The following IGSF21 variants were observed in gnomAD, a reference collection of about 807,000 sequenced individuals.
IGSF21 encodes the protein immunoglobulin superfamily member 21.
Under a neutral mutation model 46.8 loss-of-function variants are expected in IGSF21, and 28 were observed. The ratio of observed to expected loss-of-function variants is 0.60; its 90% CI spans 0.44 to 0.82. The LOEUF (loss-of-function observed/expected upper bound fraction) is 0.82, where lower values mean the gene tolerates loss of function less well. IGSF21 is among the 40% of genes least tolerant of loss of function. IGSF21 has a pLI of 0.00. For missense variants in IGSF21, 624 were observed against 665.5 expected, an observed-to-expected ratio of 0.94 and a Z score of 0.69; for synonymous variants, 284 against 273.6, an observed-to-expected ratio of 1.04 and a Z score of -0.38.
intron 1 of IGSF21, among the ~76,000 whole-genome samples, chr1:18,184,754 T>C (rs2086887980): frequency 6.6e-6 from 1 of 152,178 alleles, no homozygotes; most frequent in Admixed American, 6.5e-5. Flanking sequence ...CCAGCTCCTC[T>C]TGTGACCCAC....
At position 18,376,406 on chromosome 1, in the gene IGSF21, C is replaced by T. The variant is rs201285305; in HGVS notation, c.1101+11C>T. 2.1e-4 allele frequency: 338 copies of T among 1,599,938 alleles called. 2 individuals carry two copies. The highest frequency in any genetic ancestry group is 8.9e-5 in the East Asian group (4 of 44,796). ...GTCCATGGGTTTCAGGTCAGCCTCT[C>T]TCTGAGCATCTGGGAGGGTGGTGGG... On this transcript the variant is annotated intron_variant, in intron 7 of 9. Transcript: ENST00000251296.
At chr1:18,267,140 C>T (rs564018768) in intron 2 of IGSF21, among the ~76,000 whole-genome samples, 1 of 152,270 alleles carries the variant, frequency 6.6e-6, no homozygotes, top group South Asian at 2.1e-4. Flanking sequence ...ATTGACCTCA[C>T]TCTAATGGGA....
intron 1 of IGSF21, among the ~76,000 whole-genome samples, chr1:18,187,612 A>G (rs1413879736): frequency 6.6e-6 from 1 of 152,210 alleles, no homozygotes; most frequent in Non-Finnish European, 1.5e-5. Context: ...CCCTCCCACA[A>G]CACATAGGAA....
chr1:18,274,148 T>C (rs1326752911), intron 2 of IGSF21, among the ~76,000 whole-genome samples: 1 of 152,206 alleles, frequency 6.6e-6, no homozygotes, highest in Non-Finnish European at 1.5e-5. Context: ...AGATACACGG[T>C]GTTGGGCAAA....
At chr1:18,219,282 A>G (rs910997760) in intron 1 of IGSF21, among the ~76,000 whole-genome samples, 2 of 152,232 alleles carry the variant, frequency 1.3e-5, no homozygotes, top group Non-Finnish European at 2.9e-5. Flanking sequence ...GGATTGAGCC[A>G]TGTGGGTATC....
intron 3 of IGSF21, among the ~76,000 whole-genome samples, chr1:18,333,369 T>A (rs1290557822): frequency 1.3e-5 from 2 of 152,172 alleles, no homozygotes; most frequent in Admixed American, 1.3e-4. Context: ...CAAGGCTCCT[T>A]CCCATCCAAG....
At chr1:18,115,849 GAAAGAAAGAAAGAAAGA>G (rs2086183808) in intron 1 of IGSF21, 5 of 80,060 alleles carry the variant, frequency 6.2e-5, no homozygotes, top group African/African-American at 1.9e-4. Flanking sequence ...AAGGAAGAAA[GAAAGAAAGAAAGAAAGA>G]AAGAAAGAAA....
At chr1:18,179,789 C>T (rs1366764670) in intron 1 of IGSF21, among the ~76,000 whole-genome samples, 2 of 152,076 alleles carry the variant, frequency 1.3e-5, no homozygotes, top group African/African-American at 4.8e-5. Context: ...AGGTCCAGAT[C>T]ACAGATTGAA....
intron 2 of IGSF21, among the ~76,000 whole-genome samples, chr1:18,249,511 G>A (rs888409256): frequency 6.6e-6 from 1 of 152,144 alleles, no homozygotes; most frequent in African/African-American, 2.4e-5. Context: ...AGCTGTACGT[G>A]CAAAAGCAGT....
chr1:18,366,717 G>A (rs892616688), intron 6 of IGSF21, among the ~76,000 whole-genome samples: 1 of 152,124 alleles, frequency 6.6e-6, no homozygotes, highest in Admixed American at 6.5e-5. Flanking sequence ...TGGGTATGTG[G>A]GAGGCAGGCA....
intron 2 of IGSF21, among the ~76,000 whole-genome samples, chr1:18,235,609 C>T (rs1044925939): frequency 6.6e-6 from 1 of 152,136 alleles, no homozygotes; most frequent in Admixed American, 6.5e-5. Context: ...GTTCAAATAA[C>T]AGAAAGTGCA....
intron 1 of IGSF21, among the ~76,000 whole-genome samples, chr1:18,117,921 T>TG (rs1054259362): frequency 2.6e-5 from 4 of 152,290 alleles, no homozygotes; most frequent in East Asian, 3.9e-4. Context: ...GAGCATGATG[T>TG]GGGGGGCAGG....
At chr1:18,187,045 A>G (rs954186800) in intron 1 of IGSF21, among the ~76,000 whole-genome samples, 5 of 152,104 alleles carry the variant, frequency 3.3e-5, no homozygotes, top group African/African-American at 1.2e-4. Flanking sequence ...TGCTATAACA[A>G]AATACTGTAA....
chr1:18,278,452 G>A (rs2085125314), intron 2 of IGSF21, among the ~76,000 whole-genome samples: 1 of 151,890 alleles, frequency 6.6e-6, no homozygotes. Context: ...TGTTAACCAG[G>A]CTGGTCTCGA....
At chr1:18,360,512 C>T (rs1422970226) in intron 4 of IGSF21, among the ~76,000 whole-genome samples, 5 of 152,148 alleles carry the variant, frequency 3.3e-5, no homozygotes, top group Non-Finnish European at 7.3e-5. Flanking sequence ...TGGCATTGTT[C>T]CCGGCACCTA....
chr1:18,148,010 AAG>A (rs2086486063), intron 1 of IGSF21, among the ~76,000 whole-genome samples: 1 of 152,086 alleles, frequency 6.6e-6, no homozygotes, highest in Non-Finnish European at 1.5e-5. Context: ...GCCGCCATGT[AAG>A]ACATCTCTTT....
At chr1:18,222,024 G>T (rs1269956847) in intron 1 of IGSF21, among the ~76,000 whole-genome samples, 1 of 152,072 alleles carries the variant, frequency 6.6e-6, no homozygotes, top group Non-Finnish European at 1.5e-5. Flanking sequence ...CTTGCCTGAG[G>T]TCCCAGCGCT....
rs2085171660 is a variant in IGSF21, at chr1:18,282,540, G to A, written c.184-9326G>A. On this transcript the variant is annotated intron_variant, in intron 2 of 9. Transcript: ENST00000251296. ...GGGCTCAGGTGTTTGGGTCGTGACT[G>A]TGGGCTTTGTATTCGACTGGTGGGT... 2.0e-5 allele frequency among the ~76,000 whole-genome samples: 3 copies of A among 152,004 alleles called. No individual in the cohort carries two copies. In the South Asian group the frequency reaches 6.2e-4, roughly 31 times the overall value.
chr1:18,342,054 GTTTT>G (rs60349068), intron 4 of IGSF21, among the ~76,000 whole-genome samples: 37 of 144,592 alleles, frequency 2.6e-4, no homozygotes, highest in African/African-American at 8.7e-4. Context: ...CATTTTCCTT[GTTTT>G]TTTTTTTTTT....
Sources: allele counts gnomAD v4.1 joint callset (sites outside exome capture counted in the v4.1 genomes callset), GRCh38; gene constraint gnomAD v4.1.1; transcripts MANE v1.5; gene names NCBI Gene and HGNC (gene_info 2026-07-23, HGNC 2026-07-21).